The following LARGE1 variants were observed in gnomAD, a reference collection of about 807,000 sequenced individuals.
The protein encoded by LARGE1 is LARGE xylosyl- and glucuronyltransferase 1.
Under a neutral mutation model 87.6 loss-of-function variants are expected in LARGE1, and 43 were observed. The observed-to-expected ratio is 0.49, with a 90% CI of 0.38 to 0.63. The LOEUF (loss-of-function observed/expected upper bound fraction) is 0.63. Among genes scored for constraint, LARGE1 ranks in the 30% least tolerant of loss-of-function variants. The probability of loss-of-function intolerance (pLI) is 0.00; values close to 1 mark genes in which losing one functional copy is unlikely to be tolerated. For missense variants in LARGE1, 802 were observed against 1,000.2 expected, an observed-to-expected ratio of 0.80 and a Z score of 2.67; for synonymous variants, 434 against 394.6, an observed-to-expected ratio of 1.10 and a Z score of -1.18.
chr22:33,192,103 C>T (rs137420), intron 11 of LARGE1, among the ~76,000 whole-genome samples: 86,110 of 152,080 alleles, frequency 0.57, 24,712 homozygotes, highest in Middle Eastern at 0.62. Flanking sequence ...AGAAAACTAC[C>T]TTAAAAACTA....
At chr22:33,434,256 C>T (rs535319011) in intron 6 of LARGE1, among the ~76,000 whole-genome samples, 5 of 152,232 alleles carry the variant, frequency 3.3e-5, no homozygotes, top group Admixed American at 3.3e-4. Context: ...GGGGTGATAC[C>T]TAATTATTAA....
At chr22:33,853,805 C>A (rs2063678772) in intron 1 of LARGE1, among the ~76,000 whole-genome samples, 2 of 152,254 alleles carry the variant, frequency 1.3e-5, no homozygotes, top group South Asian at 4.1e-4. Flanking sequence ...TGCCTTGGGG[C>A]AGGCACTAAA....
chr22:33,601,591 C>T (rs188880450), intron 5 of LARGE1, among the ~76,000 whole-genome samples: 13 of 152,168 alleles, frequency 8.5e-5, no homozygotes, highest in Admixed American at 5.9e-4. Context: ...GAAAAAATTA[C>T]GTTTTATAAA....
chr22:33,177,136 ATCACACAC>A (rs1217341280), intron 11 of LARGE1, among the ~76,000 whole-genome samples: 7 of 152,298 alleles, frequency 4.6e-5, no homozygotes, highest in Non-Finnish European at 7.3e-5. Context: ...GGAGAGGAAC[ATCACACAC>A]TGGGCCTGTC....
chr22:33,305,812 C>G (rs1220867418), intron 11 of LARGE1, among the ~76,000 whole-genome samples: 1 of 151,626 alleles, frequency 6.6e-6, no homozygotes, highest in African/African-American at 2.4e-5. Context: ...GCTTGCTAAC[C>G]AAATTGACCA....
intron 1 of LARGE1, among the ~76,000 whole-genome samples, chr22:33,916,000 G>A (rs2065775655): frequency 6.6e-6 from 1 of 152,052 alleles, no homozygotes; most frequent in Non-Finnish European, 1.5e-5. Flanking sequence ...TTGAATGTCT[G>A]GCCCGGGCAC....
intron 12 of LARGE1, among the ~76,000 whole-genome samples, chr22:33,291,489 A>G (rs1569019783): frequency 6.6e-6 from 1 of 152,094 alleles, no homozygotes; most frequent in Non-Finnish European, 1.5e-5. Flanking sequence ...GTGTCCCCCA[A>G]CATTCATGTG....
At position 33,277,241 on chromosome 22, in the gene LARGE1, G is replaced by C; in HGVS notation, c.1892C>G (p.Thr631Arg). ...GAAGTTTGTGGGTGCGTGGCCTTTC[G>C]TCCAGACGTGGTACCTGAGACACAC... ...TLFTFRYHVW[T>R]KGHAPTNFAK... The change falls in exon 14 of 15, where the codon ACG becomes AGG. Residue 631 changes from threonine (T) to arginine (R), a missense_variant. This residue lies in a region of LARGE1 where 625 missense variants were observed against 841.9 expected (regional missense o/e 0.74). Coordinates refer to ENST00000397394, the MANE Select transcript of LARGE1 (RefSeq NM_133642.5). 1 of 1,614,184 alleles carries C rather than the reference G, an allele frequency of 6.2e-7. No individual in the cohort carries two copies. The highest frequency in any genetic ancestry group is 8.5e-7 in the Non-Finnish European group (1 of 1,180,012).
the LARGE1 span, among the ~76,000 whole-genome samples, chr22:33,106,559 G>A: frequency 1.3e-3 from 199 of 151,824 alleles, 3 homozygotes; most frequent in East Asian, 0.026. Context: ...GCAGTGGCAC[G>A]ATCTCGGTTC....
In LARGE1 at chr22:33,277,097, C is replaced by G. The variant is rs1459712157; in HGVS notation, c.2036G>C (p.Trp679Ser). 6.2e-7 allele frequency: 1 copy of G among 1,614,226 alleles called. No individual in the cohort carries two copies. Among genetic ancestry groups the G allele is most frequent in the Admixed American group, 1.7e-5 (1 of 60,028 alleles). ...EYDRRFVGFGWNKVAHIMELD... is the reference protein window; with the variant it reads ...EYDRRFVGFGSNKVAHIMELD... ...CTCCATGATATGAGCCACTTTGTTC[C>G]AGCCAAAGCCTACAAACCTCCGGTC... Residue 679 changes from tryptophan to serine, a missense_variant, in exon 14 of 15, where the codon TGG (tryptophan) becomes TCG (serine). By Grantham distance (177) the Trp-to-Ser change is radical. Around this residue, in one of 2 missense-constraint regions of LARGE1, gnomAD observed 625 missense variants for 841.9 expected, o/e 0.74. Transcript: ENST00000397394.
Position 33,785,204 on chromosome 22 carries a change from T to C in LARGE1, c.-82-23646A>G, listed in dbSNP as rs1354683164. On this transcript the variant is annotated intron_variant, in intron 1 of 14. Transcript: ENST00000397394. The stretch of plus-strand genomic sequence containing the variant: ...GTGTATATACATATATGTGTATACA[T>C]ACATATGTGTATATACATATATGTG... Among the ~76,000 whole-genome samples the C allele has an allele frequency of 2.7e-5, 4 of 150,630 alleles. No homozygotes were observed. The South Asian group carries it at 6.3e-4, about 24-fold the overall frequency.
intron 1 of LARGE1, among the ~76,000 whole-genome samples, chr22:33,849,405 G>A (rs1050934909): frequency 4.0e-5 from 6 of 151,812 alleles, no homozygotes; most frequent in Non-Finnish European, 7.4e-5. Context: ...CAGAGGATAC[G>A]AATGCTATAG....
intron 6 of LARGE1, among the ~76,000 whole-genome samples, chr22:33,456,060 GCT>G (rs2068119250): frequency 6.6e-6 from 1 of 152,214 alleles, no homozygotes; most frequent in Admixed American, 6.5e-5. Context: ...GCTAAGGCCA[GCT>G]TTGTAGCTGG....
At chr22:33,352,634 C>T (rs933222515) in intron 9 of LARGE1, among the ~76,000 whole-genome samples, 1 of 152,018 alleles carries the variant, frequency 6.6e-6, no homozygotes, top group Non-Finnish European at 1.5e-5. Context: ...TAGCAGGCGC[C>T]TGTAATCCCA....
intron 7 of LARGE1, among the ~76,000 whole-genome samples, chr22:33,402,236 A>G (rs928912027): frequency 3.3e-5 from 5 of 152,180 alleles, no homozygotes; most frequent in African/African-American, 1.2e-4. Context: ...TGATGAATGA[A>G]AGAGCCATAT....
Position 33,381,902 on chromosome 22 carries a change from C to G in LARGE1, c.1131+17G>C. ...CACCTCACCCTACCTCCAGGGATGT[C>G]CCTGTGTTGACCCTACCTTTAGATC... On this transcript the variant is annotated intron_variant, in intron 9 of 14. Coordinates refer to ENST00000397394, the MANE Select transcript of LARGE1 (RefSeq NM_133642.5). The G allele has an allele frequency of 6.2e-7, 1 of 1,613,914 alleles. No homozygotes were observed. Among genetic ancestry groups the G allele is most frequent in the Non-Finnish European group, 8.5e-7 (1 of 1,179,996 alleles).
the LARGE1 span, among the ~76,000 whole-genome samples, chr22:33,107,456 G>A: frequency 6.6e-6 from 1 of 152,208 alleles, no homozygotes; most frequent in South Asian, 2.1e-4. Context: ...TTGCGGGGCT[G>A]AGGTAGGAGA....
At chr22:33,184,891 G>A (rs528547430) in intron 11 of LARGE1, among the ~76,000 whole-genome samples, 45 of 152,164 alleles carry the variant, frequency 3.0e-4, no homozygotes, top group African/African-American at 9.1e-4. Context: ...GGCCAAAATC[G>A]AAAACATTAA....
At chr22:33,286,805 T>A (rs1288429750) in intron 12 of LARGE1, among the ~76,000 whole-genome samples, 2 of 152,210 alleles carry the variant, frequency 1.3e-5, no homozygotes, top group Non-Finnish European at 2.9e-5. Context: ...CAAGTTACTA[T>A]TATCATCAGT....
Sources: gnomAD v4.1 joint callset for allele counts (sites outside exome capture counted in the v4.1 genomes callset) on GRCh38, gnomAD v4.1.1 for gene constraint, gnomAD v4.1.1 regional missense constraint, MANE v1.5 for transcripts, NCBI Gene and HGNC (gene_info 2026-07-23, HGNC 2026-07-21) for gene names.